KDM5B: variants seen among roughly 807,000 people sequenced by gnomAD.
The protein encoded by KDM5B is lysine demethylase 5B.
In KDM5B, 144 loss-of-function variants were observed where a neutral mutation model predicts 193.4. The observed-to-expected ratio is 0.74, with a 90% CI of 0.65 to 0.86. The LOEUF is 0.86. Ranked by LOEUF, KDM5B falls within the 40% of genes least tolerant of loss-of-function variation. The pLI, the probability that KDM5B is intolerant of heterozygous loss-of-function variation, is 0.00. For synonymous variants in KDM5B, 668 were observed against 682.6 expected (o/e 0.98, Z 0.33); for missense variants, 1,833 against 1,886.9 (o/e 0.97, Z 0.53).
At position 202,742,706 on chromosome 1, in the gene KDM5B, T is replaced by C. The variant is rs1655395344; in HGVS notation, c.2423A>G (p.Glu808Gly). 5.0e-6 allele frequency: 8 copies of C among 1,614,132 alleles called. No individual in the cohort carries two copies. The highest frequency in any genetic ancestry group is 6.8e-6 in the Non-Finnish European group (8 of 1,180,048). Residue 808 changes from glutamate to glycine, a missense_variant, in exon 17 of 27, where the codon GAG becomes GGG. Transcript: ENST00000367265. ...CTGCTGCGCAACAGAGGCACACTTC[T>C]CTGCATCCTGTGTGACTAGGCGAAG... ...RHLRLVTQDAEKCASVAQQLL... is the reference protein window; with the variant it reads ...RHLRLVTQDAGKCASVAQQLL...
intron 1 of KDM5B, among the ~76,000 whole-genome samples, chr1:202,799,788 G>A (rs1035610220): frequency 1.3e-5 from 2 of 151,882 alleles, no homozygotes; most frequent in Non-Finnish European, 2.9e-5. Flanking sequence ...CATTTTACAA[G>A]AGATTACCAT....
At chr1:202,779,931 A>G (rs1028233010) in intron 1 of KDM5B, among the ~76,000 whole-genome samples, 2 of 152,108 alleles carry the variant, frequency 1.3e-5, no homozygotes, top group African/African-American at 4.8e-5. Context: ...TGGTATTACA[A>G]TAACATTGAA....
At chr1:202,783,496 C>A (rs1293277131) in intron 1 of KDM5B, among the ~76,000 whole-genome samples, 1 of 151,080 alleles carries the variant, frequency 6.6e-6, no homozygotes, top group Non-Finnish European at 1.5e-5. Context: ...CAGAGCAAGA[C>A]TGTCTCAAAA....
rs1032362109 is a variant in KDM5B, at chr1:202,726,666, T to C, written c.*2370A>G. ...CATTTTATCATTTTCCCCTACAAGT[T>C]CAGAGGTTTCTCTGGTACAGGCCAG... On this transcript the variant is annotated 3_prime_UTR_variant, in exon 27 of 27. Transcript: ENST00000367265. 2 of 152,198 alleles carry C rather than the reference T, an allele frequency of 1.3e-5. No homozygotes were observed. Among genetic ancestry groups the C allele is most frequent in the African/African-American group, 4.8e-5 (2 of 41,450 alleles). 9.4% of individuals were successfully genotyped at this position (152,198 alleles called of 1,614,324 possible). A position where few individuals can be genotyped will look rare whatever the true frequency, so the allele number is the denominator to read the frequency against.
chr1:202,739,007 G>A (rs1255711750), intron 20 of KDM5B, among the ~76,000 whole-genome samples: 1 of 152,122 alleles, frequency 6.6e-6, no homozygotes, highest in East Asian at 1.9e-4. Context: ...TTGTAGGGTT[G>A]GGAGGGTACT....
chr1:202,748,498 A>C (rs972116816), intron 14 of KDM5B, among the ~76,000 whole-genome samples: 1 of 140,512 alleles, frequency 7.1e-6, no homozygotes, highest in Non-Finnish European at 1.6e-5. Context: ...TTAGCAAAAC[A>C]CCTATCTGAT....
intron 1 of KDM5B, among the ~76,000 whole-genome samples, chr1:202,783,452 C>T (rs145322473): frequency 6.8e-4 from 103 of 151,214 alleles, no homozygotes; most frequent in African/African-American, 2.4e-3. Flanking sequence ...CTGTAGTGAG[C>T]CACGATCATG....
chr1:202,732,054 A>C (rs1203641105), intron 23 of KDM5B, 115 bp from the exon 24 acceptor site: 2 of 668,978 alleles, frequency 3.0e-6, no homozygotes, highest in East Asian at 2.9e-5. Context: ...AAAAAAAAAA[A>C]AAACAACTTG....
chr1:202,730,094 A>G (rs1022024516), intron 25 of KDM5B, 67 bp from the exon 26 acceptor site: 7 of 1,309,004 alleles, frequency 5.3e-6, no homozygotes, highest in African/African-American at 1.5e-5. Flanking sequence ...TAATGAAGCT[A>G]AAGAGAACAT....
In KDM5B at chr1:202,760,430, A is replaced by C. The variant is rs1318372122; in HGVS notation, c.1062T>G (p.Pro354=). The C allele has an allele frequency of 6.2e-7, 1 of 1,607,806 alleles. No individual in the cohort carries two copies. The highest frequency in any genetic ancestry group is 8.5e-7 in the Non-Finnish European group (1 of 1,177,258). ...HDVPKGDWRC[P]KCLAQECSKP... is the part of the protein sequence containing the mutation. ...TAATTATTACCTGAGCCAAACACTTAGGACACCTCCAGTCTCCCTTGGGAA... is the reference window on the plus strand; with the variant it reads ...TAATTATTACCTGAGCCAAACACTTCGGACACCTCCAGTCTCCCTTGGGAA... Residue 354 remains proline (P), a synonymous_variant, in exon 8 of 27, where the codon CCT becomes CCG. Coordinates refer to ENST00000367265, the MANE Select transcript of KDM5B (RefSeq NM_006618.5).
At chr1:202,802,721 C>T (rs1008520820) in intron 1 of KDM5B, among the ~76,000 whole-genome samples, 2 of 151,942 alleles carry the variant, frequency 1.3e-5, no homozygotes, top group African/African-American at 2.4e-5. Flanking sequence ...AGAGAAAATT[C>T]CCCCACTGGC....
chr1:202,741,319 G>A, intron 19 of KDM5B, 48 bp downstream of exon 19: 1 of 1,350,520 alleles, frequency 7.4e-7, no homozygotes, highest in Non-Finnish European at 1.0e-6. Context: ...GTTTAAGCTG[G>A]AGATAACTGT....
chr1:202,732,898 C>T (rs1188412731), intron 23 of KDM5B, among the ~76,000 whole-genome samples: 1 of 152,208 alleles, frequency 6.6e-6, no homozygotes, highest in Non-Finnish European at 1.5e-5. Flanking sequence ...GCAGAAAGAT[C>T]GCAAATGGTG....
At chr1:202,746,099 T>A in intron 15 of KDM5B, 43 bp downstream of exon 15, 2 of 1,549,178 alleles carry the variant, frequency 1.3e-6, no homozygotes, top group Non-Finnish European at 8.8e-7. Context: ...TTAGTAAGGA[T>A]CAACTGTTTT....
intron 1 of KDM5B, among the ~76,000 whole-genome samples, chr1:202,780,854 A>G (rs1657168262): frequency 6.6e-6 from 1 of 152,028 alleles, no homozygotes; most frequent in Non-Finnish European, 1.5e-5. Flanking sequence ...ACCTACATAT[A>G]CATATGACAA....
At chr1:202,769,461 G>A (rs1333359833) in intron 4 of KDM5B, among the ~76,000 whole-genome samples, 1 of 151,326 alleles carries the variant, frequency 6.6e-6, no homozygotes, top group Admixed American at 6.6e-5. Context: ...CTTGAGGTCA[G>A]GAGTTCGAAA....
At position 202,724,734 on chromosome 1, in the gene KDM5B, TTGTGTGTGTGTTTG is replaced by T. The variant is rs1462127894; in HGVS notation, c.*4288_*4301del. On this transcript the variant is annotated 3_prime_UTR_variant, in exon 27 of 27. Transcript: ENST00000367265. ...TGTCCTGATCATACACAGAAGGGGCTTGTGTGTGTGTTTGTGTGTGTGTGTGTGTTCACAGCAGA... is the reference window on the plus strand; with the variant it reads ...TGTCCTGATCATACACAGAAGGGGCTTGTGTGTGTGTGTGTTCACAGCAGA... The T allele has an allele frequency of 3.0e-5, 3 of 98,924 alleles. No individual in the cohort carries two copies. The highest frequency in any genetic ancestry group is 7.3e-5 in the Non-Finnish European group (3 of 40,880). 6.1% of individuals were successfully genotyped at this position (98,924 alleles called of 1,614,324 possible).
Position 202,736,518 on chromosome 1 carries a change from TCA to T in KDM5B, c.3085-128_3085-127del, listed in dbSNP as rs1252676990. Reference sequence around the variant, plus strand: ...ACTCCATGATCTCAACATGCTAAATTCACAAACGCTGACTAACCTGCCAGCTG... The same window carrying T: ...ACTCCATGATCTCAACATGCTAAATTCAAACGCTGACTAACCTGCCAGCTG... On this transcript the variant is annotated intron_variant, in intron 20 of 26. Transcript: ENST00000367265. 6 of 569,888 alleles carry T rather than the reference TCA, an allele frequency of 1.1e-5. No individual in the cohort carries two copies. The Admixed American group carries it at 2.4e-4, about 23-fold the overall frequency. 35.3% of individuals were successfully genotyped at this position (569,888 alleles called of 1,614,324 possible).
At chr1:202,780,240 GCA>G (rs957188120) in intron 1 of KDM5B, among the ~76,000 whole-genome samples, 1 of 152,000 alleles carries the variant, frequency 6.6e-6, no homozygotes, top group Non-Finnish European at 1.5e-5. Context: ...GAATGCAATG[GCA>G]CAGTCTTCAC....
Sources: allele counts gnomAD v4.1 joint callset (sites outside exome capture counted in the v4.1 genomes callset), GRCh38; gene constraint gnomAD v4.1.1; transcripts MANE v1.5; gene names NCBI Gene and HGNC (gene_info 2026-07-23, HGNC 2026-07-21).